Variants in BCL2L1 observed in about 807,000 individuals in gnomAD.
The protein encoded by BCL2L1 is bcl-2-like protein 1.
BCL2L1 carries 1 observed loss-of-function variant against 18.7 expected under a neutral mutation model. The ratio of observed to expected loss-of-function variants is 0.05; its 90% CI spans 0.02 to 0.25. BCL2L1 has a LOEUF of 0.25. Among genes scored for constraint, BCL2L1 ranks in the 10% least tolerant of loss-of-function variants. The pLI is 1.00. For synonymous variants in BCL2L1, 103 were observed against 122.7 expected (o/e 0.84, Z 1.06); for missense variants, 207 against 304.9 (o/e 0.68, Z 2.39).
rs1453508677 is a variant in BCL2L1, at chr20:31,707,065, A to ATTAG, written c.564+14589_564+14590insCTAA. On this transcript the variant is annotated intron_variant, in intron 2 of 2. Transcript: ENST00000307677. ...CCTACCCACTTTAAATACTTAACTCATTAAGTCTTCCACTCAGTCAACAAA... is the reference window on the plus strand; with the variant it reads ...CCTACCCACTTTAAATACTTAACTCATTAGTTAAGTCTTCCACTCAGTCAACAAA... Among the ~76,000 whole-genome samples, 4 of 152,324 alleles carry ATTAG rather than the reference A, an allele frequency of 2.6e-5. No individual in the cohort carries two copies. In the East Asian group the frequency reaches 5.8e-4, roughly 22 times the overall value.
At chr20:31,717,549 G>C (rs1029675800) in intron 2 of BCL2L1, among the ~76,000 whole-genome samples, 1 of 152,298 alleles carries the variant, frequency 6.6e-6, no homozygotes, top group African/African-American at 2.4e-5. Context: ...TTTCAAGGGG[G>C]AGCCCCTGAG....
Position 31,692,534 on chromosome 20 carries a change from G to A in BCL2L1, c.565-26448C>T, listed in dbSNP as rs191510584. On this transcript the variant is annotated intron_variant, in intron 2 of 2. Transcript: ENST00000307677. ...CTCACGCCTGTAATCCCAGCACTTTGGGAGGCTGAGGCAGGCAGATCACGA... is the reference window on the plus strand; with the variant it reads ...CTCACGCCTGTAATCCCAGCACTTTAGGAGGCTGAGGCAGGCAGATCACGA... Among the ~76,000 whole-genome samples the A allele has an allele frequency of 2.0e-5, 3 of 152,320 alleles. No individual in the cohort carries two copies. In the East Asian group the frequency reaches 5.8e-4, roughly 29 times the overall value.
chr20:31,715,517 G>C (rs2061519888), intron 2 of BCL2L1, among the ~76,000 whole-genome samples: 1 of 152,008 alleles, frequency 6.6e-6, no homozygotes, highest in South Asian at 2.1e-4. Context: ...AACACCCTTT[G>C]CTGTAGGGTA....
At chr20:31,683,486 T>C (rs1272518342) in intron 2 of BCL2L1, among the ~76,000 whole-genome samples, 1 of 152,118 alleles carries the variant, frequency 6.6e-6, no homozygotes, top group Non-Finnish European at 1.5e-5. Flanking sequence ...AACTTCATGA[T>C]GGCCCGGCGC....
intron 2 of BCL2L1, among the ~76,000 whole-genome samples, chr20:31,681,016 C>T (rs913421433): frequency 3.9e-5 from 6 of 152,224 alleles, no homozygotes; most frequent in African/African-American, 1.4e-4. Context: ...GAGGCAGGAA[C>T]ACGCTTGAGG....
intron 2 of BCL2L1, among the ~76,000 whole-genome samples, chr20:31,711,207 C>T (rs533199438): frequency 2.0e-5 from 3 of 152,328 alleles, no homozygotes; most frequent in African/African-American, 7.2e-5. Flanking sequence ...AACACACTTA[C>T]ATTTCACTTT....
intron 2 of BCL2L1, among the ~76,000 whole-genome samples, chr20:31,673,020 T>C (rs1397211477): frequency 6.6e-6 from 1 of 151,502 alleles, no homozygotes; most frequent in African/African-American, 2.4e-5. Context: ...TTCCAAGTAG[T>C]GTGACTTTGA....
intron 2 of BCL2L1, among the ~76,000 whole-genome samples, chr20:31,667,914 C>T (rs2060611466): frequency 6.6e-6 from 1 of 152,146 alleles, no homozygotes; most frequent in South Asian, 2.1e-4. Context: ...GAATCTCAGC[C>T]CTTGCAGAAG....
In BCL2L1 at chr20:31,721,772, T is replaced by C. The variant is rs201719152; in HGVS notation, c.447A>G (p.Ala149=). ...CCTTGTCTACGCTTTCCACGCACAG[T>C]GCCCCGCCGAAGGAGAAAAAGGCCA... ...RIVAFFSFGG[A]LCVESVDKEM... is the part of the protein sequence containing the mutation. Residue 149 remains alanine, a synonymous_variant, in exon 2 of 3, where the codon GCA becomes GCG. Coordinates refer to ENST00000307677, the MANE Select transcript of BCL2L1 (RefSeq NM_138578.3). 2.9e-5 allele frequency: 47 copies of C among 1,614,056 alleles called. No homozygotes were observed. In the East Asian group the frequency reaches 5.6e-4, roughly 19 times the overall value.
At chr20:31,677,634 C>G (rs550996075) in intron 2 of BCL2L1, among the ~76,000 whole-genome samples, 7 of 152,250 alleles carry the variant, frequency 4.6e-5, no homozygotes, top group African/African-American at 1.7e-4. Flanking sequence ...TGTCTCGGAG[C>G]CTTCTCTATG....
chr20:31,716,857 G>A (rs570884972), intron 2 of BCL2L1: 1 of 152,306 alleles, frequency 6.6e-6, no homozygotes, highest in East Asian at 1.9e-4. Flanking sequence ...TCTGAAGCTG[G>A]TGATATTCTC....
upstream of BCL2L1, chr20:31,723,556 T>C: frequency 1.0e-6 from 1 of 984,360 alleles, no homozygotes; most frequent in Non-Finnish European, 1.2e-6. Context: ...ACCGCCCCGT[T>C]GCTAGGCAAC....
In BCL2L1 at chr20:31,665,889, C is replaced by G. The variant is rs967769834; in HGVS notation, c.*60G>C. On this transcript the variant is annotated 3_prime_UTR_variant, in exon 3 of 3. Transcript: ENST00000307677. ...TCTCCTGGTGGCAATGGCGGCTGGA[C>G]GGAGGATGTGGTGGAGCAGAGAAGG... 1 of 1,586,646 alleles carries G rather than the reference C, an allele frequency of 6.3e-7. No homozygotes were observed. Among genetic ancestry groups the G allele is most frequent in the African/African-American group, 1.3e-5 (1 of 74,492 alleles).
intron 2 of BCL2L1, among the ~76,000 whole-genome samples, chr20:31,678,826 G>A (rs1305343358): frequency 6.6e-6 from 1 of 152,202 alleles, no homozygotes; most frequent in African/African-American, 2.4e-5. Flanking sequence ...GATCAGAAAT[G>A]TTTGGAATTC....
At chr20:31,709,146 T>TG (rs1231447963) in intron 2 of BCL2L1, among the ~76,000 whole-genome samples, 1 of 152,210 alleles carries the variant, frequency 6.6e-6, no homozygotes, top group Non-Finnish European at 1.5e-5. Flanking sequence ...ACCATCCCTC[T>TG]GTCCAGAGGC....
intron 2 of BCL2L1, among the ~76,000 whole-genome samples, chr20:31,708,650 A>G (rs773297656): frequency 3.3e-5 from 5 of 152,122 alleles, no homozygotes; most frequent in Non-Finnish European, 5.9e-5. Context: ...ACGGCTCCCA[A>G]TGCCCCGCCC....
chr20:31,698,546 CT>C (rs879374858), intron 2 of BCL2L1, among the ~76,000 whole-genome samples: 74 of 145,172 alleles, frequency 5.1e-4, no homozygotes, highest in Admixed American at 5.5e-4. Context: ...GATTTTCCTT[CT>C]TTTTTTTTTT....
chr20:31,670,536 A>T (rs1478468137), intron 2 of BCL2L1, among the ~76,000 whole-genome samples: 1 of 152,208 alleles, frequency 6.6e-6, no homozygotes, highest in African/African-American at 2.4e-5. Context: ...AAGGGCACAA[A>T]GCATTCACTG....
chr20:31,720,933 G>A, intron 2 of BCL2L1: 1 of 985,416 alleles, frequency 1.0e-6, no homozygotes, highest in Non-Finnish European at 1.2e-6. Context: ...GCAATGAGGT[G>A]CAAAGTCCCC....
Sources: gnomAD v4.1 joint callset for allele counts (sites outside exome capture counted in the v4.1 genomes callset) on GRCh38, gnomAD v4.1.1 for gene constraint, MANE v1.5 for transcripts, NCBI Gene and HGNC (gene_info 2026-07-23, HGNC 2026-07-21) for gene names.